EDNRB: variants seen among roughly 807,000 people sequenced by gnomAD.
EDNRB encodes endothelin receptor type B, also known as Hirschsprung disease 2.
In EDNRB, 18 loss-of-function variants were observed where a neutral mutation model predicts 46.4. That is an observed-to-expected ratio of 0.39 (90% confidence interval 0.27 to 0.57). The LOEUF is 0.57. Ranked by LOEUF, EDNRB falls within the 20% of genes least tolerant of loss-of-function variation. The pLI, the probability that EDNRB is intolerant of heterozygous loss-of-function variation, is 0.61. For missense variants in EDNRB, 434 were observed against 537.5 expected, an observed-to-expected ratio of 0.81 and a Z score of 1.90; for synonymous variants, 213 against 204.9, an observed-to-expected ratio of 1.04 and a Z score of -0.34.
At chr13:77,959,777 C>G (rs554334576) in intron 1 of EDNRB, among the ~76,000 whole-genome samples, 101 of 152,208 alleles carry the variant, frequency 6.6e-4, no homozygotes, top group Non-Finnish European at 1.2e-3. Flanking sequence ...CATACAGAAG[C>G]TAAAAACCTT....
intron 1 of EDNRB, among the ~76,000 whole-genome samples, chr13:77,925,388 ACT>A (rs1459452629): frequency 6.6e-6 from 1 of 152,146 alleles, no homozygotes; most frequent in Non-Finnish European, 1.5e-5. Context: ...GTATTTGCAG[ACT>A]CATGATCATG....
At chr13:77,962,057 A>T (rs1881431250) in intron 1 of EDNRB, among the ~76,000 whole-genome samples, 1 of 152,274 alleles carries the variant, frequency 6.6e-6, no homozygotes, top group Middle Eastern at 3.4e-3. Context: ...CTGGACACGT[A>T]CACCCTCCTA....
chr13:77,919,576 T>C, upstream of EDNRB: 1 of 1,611,832 alleles, frequency 6.2e-7, no homozygotes, highest in Non-Finnish European at 8.5e-7. Flanking sequence ...CACCGTTTGC[T>C]CGGGGTCTCT....
chr13:77,953,057 T>G (rs1409308361), intron 1 of EDNRB, among the ~76,000 whole-genome samples: 2 of 152,208 alleles, frequency 1.3e-5, no homozygotes, highest in Admixed American at 1.3e-4. Flanking sequence ...ACAACCATCT[T>G]ATATTTTCCA....
At chr13:77,973,922 G>GC (rs1347875065) in intron 1 of EDNRB, among the ~76,000 whole-genome samples, 2 of 142,956 alleles carry the variant, frequency 1.4e-5, no homozygotes, top group Non-Finnish European at 1.5e-5. Flanking sequence ...CATAAATTCT[G>GC]CCCCCCCTTT....
Position 77,900,567 on chromosome 13 carries a change from G to C in EDNRB, c.1039C>G (p.Leu347Val). Reference sequence around the variant, plus strand: ...GGATCATTCTGATTATAAAGAGTGAGCTTCAGAATCCTGCTGAGGTGAAGG... The same window carrying C: ...GGATCATTCTGATTATAAAGAGTGACCTTCAGAATCCTGCTGAGGTGAAGG... Reference protein sequence around the residue: ...LPLHLSRILKLTLYNQNDPNR... With the variant: ...LPLHLSRILKVTLYNQNDPNR... Residue 347 changes from leucine (L) to valine (V), a missense_variant, in exon 5 of 7, where the codon CTC becomes GTC. Transcript: ENST00000646607. 1.9e-6 allele frequency: 3 copies of C among 1,612,584 alleles called. No individual in the cohort carries two copies. Among genetic ancestry groups the C allele is most frequent in the Non-Finnish European group, 2.5e-6 (3 of 1,179,102 alleles).
chr13:77,904,810 TG>T (rs1352116754), intron 1 of EDNRB, among the ~76,000 whole-genome samples: 2 of 152,016 alleles, frequency 1.3e-5, no homozygotes, highest in Admixed American at 1.3e-4. Context: ...TTCAAATCCA[TG>T]GGTCTTAAAA....
chr13:77,902,616 G>A (rs12720187), intron 3 of EDNRB, among the ~76,000 whole-genome samples: 10 of 151,820 alleles, frequency 6.6e-5, no homozygotes, highest in Admixed American at 3.9e-4. Flanking sequence ...ACTCCAGCTC[G>A]TACCCCTGCT....
At chr13:77,964,334 T>C (rs1881517054) in intron 1 of EDNRB, among the ~76,000 whole-genome samples, 1 of 152,148 alleles carries the variant, frequency 6.6e-6, no homozygotes, top group Admixed American at 6.6e-5. Context: ...GACACATATG[T>C]TTATTGTGGT....
At chr13:77,966,637 G>A (rs1268924850) in intron 1 of EDNRB, among the ~76,000 whole-genome samples, 2 of 152,078 alleles carry the variant, frequency 1.3e-5, no homozygotes, top group Admixed American at 1.3e-4. Context: ...AATATCCCAC[G>A]GATGTCCTTT....
At chr13:77,901,325 T>A in intron 3 of EDNRB, 118 bp from the exon 4 acceptor site, 1 of 1,093,842 alleles carries the variant, frequency 9.1e-7, no homozygotes, top group Non-Finnish European at 1.3e-6. Context: ...TAGATCCAGT[T>A]TGTATATATC....
chr13:77,938,834 G>A (rs1331485804), intron 1 of EDNRB, among the ~76,000 whole-genome samples: 2 of 152,236 alleles, frequency 1.3e-5, no homozygotes, highest in African/African-American at 4.8e-5. Flanking sequence ...CCACTTACCC[G>A]ATTTAAAATT....
At chr13:77,957,875 G>A (rs1881286242) in intron 1 of EDNRB, among the ~76,000 whole-genome samples, 1 of 152,170 alleles carries the variant, frequency 6.6e-6, no homozygotes, top group South Asian at 2.1e-4. Flanking sequence ...ACAGTAAAAT[G>A]TTGGCCACTC....
At chr13:77,922,575 C>A (rs1034186493), upstream of EDNRB, among the ~76,000 whole-genome samples, 3 of 152,116 alleles carry the variant, frequency 2.0e-5, no homozygotes, top group Admixed American at 2.0e-4. Context: ...TCCTCTGGGA[C>A]CAGATTCAAT....
chr13:77,909,358 A>G (rs1395407699), intron 1 of EDNRB, among the ~76,000 whole-genome samples: 1 of 152,058 alleles, frequency 6.6e-6, no homozygotes, highest in East Asian at 1.9e-4. Flanking sequence ...GGTTTTGTGA[A>G]GTGAATCCTA....
chr13:77,919,235 T>C, upstream of EDNRB: 2 of 770,728 alleles, frequency 2.6e-6, no homozygotes, highest in Non-Finnish European at 4.0e-6. Context: ...CCAAACGGCT[T>C]CAAACACTCG....
At chr13:77,959,417 A>G (rs937124032) in intron 1 of EDNRB, among the ~76,000 whole-genome samples, 6 of 152,188 alleles carry the variant, frequency 3.9e-5, no homozygotes, top group Non-Finnish European at 7.3e-5. Context: ...CACTGCTGAT[A>G]CCCAGGCAAA....
chr13:77,932,466 T>C, intron 1 of EDNRB, among the ~76,000 whole-genome samples: 1 of 152,244 alleles, frequency 6.6e-6, no homozygotes, highest in East Asian at 1.9e-4. Flanking sequence ...ATGTCTACTT[T>C]ATTAAAGTCT....
chr13:77,907,058 T>G (rs993619043), intron 1 of EDNRB, among the ~76,000 whole-genome samples: 1 of 152,122 alleles, frequency 6.6e-6, no homozygotes, highest in Non-Finnish European at 1.5e-5. Flanking sequence ...TGTCAAATAA[T>G]AGTAAAATAT....
Sources: allele counts gnomAD v4.1 joint callset (sites outside exome capture counted in the v4.1 genomes callset), GRCh38; gene constraint gnomAD v4.1.1; transcripts MANE v1.5; gene names NCBI Gene and HGNC (gene_info 2026-07-23, HGNC 2026-07-21).